Variants in GATAD2A observed in about 807,000 individuals in gnomAD.
The protein encoded by GATAD2A is GATA zinc finger domain containing 2A, also known as transcriptional repressor p66-alpha.
A neutral mutation model predicts 68.5 loss-of-function variants in GATAD2A; 12 were observed. The observed-to-expected ratio is 0.18, with a 90% CI of 0.11 to 0.28. The LOEUF (loss-of-function observed/expected upper bound fraction) is 0.28. Among genes scored for constraint, GATAD2A ranks in the 10% least tolerant of loss-of-function variants. GATAD2A has a pLI of 1.00. For missense variants in GATAD2A, 755 were observed against 868.5 expected (o/e 0.87, Z 1.64); for synonymous variants, 410 against 375.3 (o/e 1.09, Z -1.07).
At chr19:19,495,318 T>C (rs1283733515) in intron 5 of GATAD2A, among the ~76,000 whole-genome samples, 2 of 145,106 alleles carry the variant, frequency 1.4e-5, no homozygotes, top group Non-Finnish European at 3.0e-5. Context: ...TTTTTCTTTT[T>C]TTCTTTTTGA....
intron 1 of GATAD2A, among the ~76,000 whole-genome samples, chr19:19,450,214 A>AT (rs1347708997): frequency 1.3e-5 from 2 of 152,210 alleles, no homozygotes; most frequent in African/African-American, 4.8e-5. Context: ...ACCAGCTTAT[A>AT]TTCGTGGGTC....
At chr19:19,417,402 C>T (rs1021290543) in intron 1 of GATAD2A, among the ~76,000 whole-genome samples, 2 of 152,308 alleles carry the variant, frequency 1.3e-5, no homozygotes, top group South Asian at 4.1e-4. Context: ...ATTACCCCCC[C>T]ACCCACTATT....
chr19:19,394,906 C>T (rs1368412293), intron 1 of GATAD2A, among the ~76,000 whole-genome samples: 1 of 152,056 alleles, frequency 6.6e-6, no homozygotes, highest in East Asian at 1.9e-4. Context: ...GGCACAGCCT[C>T]GAGGGCAAGA....
chr19:19,422,716 G>GTT (rs765812453), intron 1 of GATAD2A, among the ~76,000 whole-genome samples: 27 of 142,228 alleles, frequency 1.9e-4, no homozygotes, highest in African/African-American at 5.7e-4. Context: ...TGTTTTTGTT[G>GTT]TTTTTTTTTT....
rs1343787060 is a variant in GATAD2A at position 19,494,362 on chromosome 19, T to G, written c.603T>G (p.Pro201=). ...PPLVRGTQNI[P]AGKPSLQTSS... is the part of the protein sequence containing the mutation. ...TTGTTCGGGGCACTCAGAACATTCC[T>G]GCTGGCAAGCCATCACTCCAGGTCA... Residue 201 remains proline (P), a synonymous_variant, in exon 5 of 12, where the codon CCT becomes CCG. Coordinates refer to ENST00000683918, the MANE Select transcript of GATAD2A (RefSeq NM_001384528.1). The G allele has an allele frequency of 6.2e-7, 1 of 1,610,552 alleles. No individual in the cohort carries two copies. Among genetic ancestry groups the G allele is most frequent in the Admixed American group, 1.7e-5 (1 of 60,010 alleles).
intron 1 of GATAD2A, chr19:19,435,026 T>C (rs1160785934): frequency 6.0e-6 from 3 of 501,382 alleles, no homozygotes; most frequent in Non-Finnish European, 1.3e-5. Context: ...GGAGGTTACA[T>C]TGGGAGAATG....
Position 19,505,522 on chromosome 19 carries a change from C to G in GATAD2A, c.*48C>G. On this transcript the variant is annotated 3_prime_UTR_variant, in exon 12 of 12. Transcript: ENST00000683918. ...ACGGGCTCCCTCCTCCCCCACCTGG[C>G]CCCTGGTCTAGAAGGACCCACTGCA... is the stretch of plus-strand genomic sequence containing the variant. 6.6e-7 allele frequency: 1 copy of G among 1,522,334 alleles called. No homozygotes were observed. 94.3% of individuals were successfully genotyped at this position (1,522,334 alleles called of 1,614,324 possible).
At chr19:19,502,222 C>A in intron 10 of GATAD2A, 109 bp from the exon 11 acceptor site, 2 of 980,068 alleles carry the variant, frequency 2.0e-6, no homozygotes, top group Non-Finnish European at 3.1e-6. Flanking sequence ...TTTAGGGACC[C>A]CATGTGGGTG....
intron 2 of GATAD2A, among the ~76,000 whole-genome samples, chr19:19,473,214 G>T (rs944094478): frequency 6.6e-6 from 1 of 152,226 alleles, no homozygotes; most frequent in East Asian, 1.9e-4. Context: ...CTTGTCTGCT[G>T]TGGGAGGGGG....
At chr19:19,455,302 C>T (rs926041588) in intron 1 of GATAD2A, among the ~76,000 whole-genome samples, 1 of 152,078 alleles carries the variant, frequency 6.6e-6, no homozygotes, top group African/African-American at 2.4e-5. Context: ...CCAGCCTGGG[C>T]AACACAGTGA....
Position 19,501,606 on chromosome 19 carries a change from G to A in GATAD2A, c.1503+190G>A, listed in dbSNP as rs191625539. On this transcript the variant is annotated intron_variant, in intron 9 of 11. Coordinates refer to ENST00000683918, the MANE Select transcript of GATAD2A (RefSeq NM_001384528.1). ...TTGTAGCTCTCACTTGCAGGCTGCC[G>A]GCTGACAAGTACTGCTTGTCTTCAA... 4.6e-5 allele frequency among the ~76,000 whole-genome samples: 7 copies of A among 152,326 alleles called. No homozygotes were observed. The East Asian group carries it at 7.7e-4, about 17-fold the overall frequency.
At chr19:19,414,972 G>A (rs1174841398) in intron 1 of GATAD2A, among the ~76,000 whole-genome samples, 4 of 150,028 alleles carry the variant, frequency 2.7e-5, no homozygotes, top group East Asian at 2.0e-4. Context: ...AAAAACTATA[G>A]TGGCCAAGTG....
intron 2 of GATAD2A, among the ~76,000 whole-genome samples, chr19:19,484,327 TTGGGAGGCTAAGA>T (rs1279089196): frequency 1.1e-4 from 17 of 151,938 alleles, no homozygotes; most frequent in Non-Finnish European, 2.2e-4. Flanking sequence ...TCCCAGCAGC[TTGGGAGGCTAAGA>T]TGGGAGGATC....
At position 19,412,135 on chromosome 19, in the gene GATAD2A, T is replaced by C. The variant is rs189140816; in HGVS notation, c.-7+6116T>C. ...TCAGGCCGCTTTTTTTTCTCTCTCT[T>C]TTTTTTTAATTTTTAATTTTTTTTT... On this transcript the variant is annotated intron_variant, in intron 1 of 11. Transcript: ENST00000683918. 3.4e-3 allele frequency among the ~76,000 whole-genome samples: 514 copies of C among 150,970 alleles called. 5 individuals are homozygous for C. The highest frequency in any genetic ancestry group is 0.011 in the African/African-American group (470 of 40,874).
At chr19:19,414,530 CTTTTTTTT>C (rs758728889) in intron 1 of GATAD2A, among the ~76,000 whole-genome samples, 29 of 70,212 alleles carry the variant, frequency 4.1e-4, no homozygotes, top group South Asian at 2.8e-3. Context: ...AGGGCCTTGT[CTTTTTTTT>C]TTTTTTTTTT....
At chr19:19,443,473 A>G (rs1279843422) in intron 1 of GATAD2A, among the ~76,000 whole-genome samples, 1 of 152,224 alleles carries the variant, frequency 6.6e-6, no homozygotes, top group Non-Finnish European at 1.5e-5. Context: ...GAAGATTGTG[A>G]AATTATCAAA....
At chr19:19,496,511 T>C (rs1486821180) in intron 7 of GATAD2A, among the ~76,000 whole-genome samples, 2 of 152,214 alleles carry the variant, frequency 1.3e-5, no homozygotes, top group East Asian at 1.9e-4. Flanking sequence ...ACCAGCCCCA[T>C]GGCTGAGGAA....
chr19:19,466,071 G>A lies in GATAD2A; in HGVS notation c.269+457G>A, dbSNP rs78368617. Reference sequence around the variant, plus strand: ...GAGCCCAGCCCAGGGCACCCTCCTCGGAGCGGGTACGGGATGCTCACTCGA... The same window carrying A: ...GAGCCCAGCCCAGGGCACCCTCCTCAGAGCGGGTACGGGATGCTCACTCGA... On this transcript the variant is annotated intron_variant, in intron 2 of 11. Coordinates refer to ENST00000683918, the MANE Select transcript of GATAD2A (RefSeq NM_001384528.1). Among the ~76,000 whole-genome samples, 1,283 of 152,330 alleles carry A rather than the reference G, an allele frequency of 8.4e-3. 54 individuals are homozygous for A. The East Asian group carries it at 0.1, about 12-fold the overall frequency.
chr19:19,446,832 T>A (rs866601286), intron 1 of GATAD2A, among the ~76,000 whole-genome samples: 4 of 152,264 alleles, frequency 2.6e-5, no homozygotes, highest in African/African-American at 9.6e-5. Context: ...GTGTTGGGAT[T>A]ACAGGCGTGG....
Sources: allele counts gnomAD v4.1 joint callset (sites outside exome capture counted in the v4.1 genomes callset), GRCh38; gene constraint gnomAD v4.1.1; transcripts MANE v1.5; gene names NCBI Gene and HGNC (gene_info 2026-07-23, HGNC 2026-07-21).